Variants in FYB1 observed in about 807,000 individuals in gnomAD.
FYB1 encodes FYN binding protein 1, also known as FYN-binding protein 1.
In FYB1, 41 loss-of-function variants were observed where a neutral mutation model predicts 94.1. That is an observed-to-expected ratio of 0.44 (90% CI 0.34 to 0.57). FYB1 has a LOEUF of 0.57. FYB1 is among the 20% of genes least tolerant of loss of function. The pLI is 0.02. For missense variants in FYB1, 1,050 were observed against 976.8 expected, an observed-to-expected ratio of 1.07 and a Z score of -1.00; for synonymous variants, 367 against 353.2, an observed-to-expected ratio of 1.04 and a Z score of -0.44.
At chr5:39,248,697 C>G (rs966493697) in intron 1 of FYB1, among the ~76,000 whole-genome samples, 2 of 152,042 alleles carry the variant, frequency 1.3e-5, no homozygotes, top group Non-Finnish European at 2.9e-5. Context: ...ATTAGCTGGG[C>G]ATGATGGTGC....
chr5:39,137,575 C>G (rs1741777560), intron 7 of FYB1, 25 bp downstream of exon 7: 1 of 1,529,856 alleles, frequency 6.5e-7, no homozygotes, highest in Non-Finnish European at 8.8e-7. Context: ...GTTATTCTTT[C>G]ACTCATTAGC....
At chr5:39,239,048 C>T (rs962641148) in intron 1 of FYB1, among the ~76,000 whole-genome samples, 1 of 152,012 alleles carries the variant, frequency 6.6e-6, no homozygotes, top group Non-Finnish European at 1.5e-5. Context: ...ACAAATAGAA[C>T]TAAAAACAAA....
chr5:39,148,155 T>TTTTATATATATATATA (rs1742876290), intron 3 of FYB1, among the ~76,000 whole-genome samples: 1 of 37,658 alleles, frequency 2.7e-5, no homozygotes, highest in Non-Finnish European at 4.2e-5. Context: ...TATGTATTTT[T>TTTTATATATATATATA]TATATATATA....
At chr5:39,121,183 C>CA (rs56376626) in intron 14 of FYB1, among the ~76,000 whole-genome samples, 4,295 of 57,684 alleles carry the variant, frequency 0.074, 280 homozygotes, top group African/African-American at 0.17. Context: ...TAATGTAAAG[C>CA]AAAAAAAAAA....
intron 3 of FYB1, among the ~76,000 whole-genome samples, chr5:39,146,061 C>G (rs1004246558): frequency 6.6e-6 from 1 of 151,776 alleles, no homozygotes; most frequent in Non-Finnish European, 1.5e-5. Flanking sequence ...TCTACAGATG[C>G]CTGCCACCAT....
At chr5:39,241,280 A>G (rs940633293) in intron 1 of FYB1, among the ~76,000 whole-genome samples, 1 of 152,196 alleles carries the variant, frequency 6.6e-6, no homozygotes, top group Non-Finnish European at 1.5e-5. Context: ...CAGTTTACCT[A>G]TGTAACAAAC....
At chr5:39,182,070 C>T (rs528752327) in intron 2 of FYB1, among the ~76,000 whole-genome samples, 1 of 151,542 alleles carries the variant, frequency 6.6e-6, no homozygotes, top group African/African-American at 2.4e-5. Flanking sequence ...AAAACCTCAC[C>T]AGGTCACCCT....
chr5:39,142,208 G>A (rs1742254661), intron 3 of FYB1, among the ~76,000 whole-genome samples: 2 of 152,082 alleles, frequency 1.3e-5, no homozygotes, highest in South Asian at 2.1e-4. Flanking sequence ...ACTCTTTTTT[G>A]TGTAGTCAGC....
upstream of FYB1, among the ~76,000 whole-genome samples, chr5:39,223,288 T>C (rs1450080519): frequency 1.7e-4 from 26 of 152,116 alleles, no homozygotes; most frequent in Admixed American, 1.7e-3. Context: ...CCCCTATCAT[T>C]TAGAGGAAAA....
At position 39,273,491 on chromosome 5, in the gene FYB1, A is replaced by G. The variant is rs568038090; in HGVS notation, c.-28+912T>C. On this transcript the variant is annotated intron_variant, in intron 1 of 1. Coordinates refer to the FYB1 transcript ENST00000510188. ...GAGCTCAGTACATAAGTTCCTGAGC[A>G]GGAAGATGAAACAGGAAATGCAACA... Among the ~76,000 whole-genome samples the G allele has an allele frequency of 3.9e-4, 59 of 152,358 alleles. No homozygotes were observed. The South Asian group carries it at 8.5e-3, about 22-fold the overall frequency.
At chr5:39,273,587 A>G (rs1752722922) in intron 1 of FYB1, among the ~76,000 whole-genome samples, 2 of 152,256 alleles carry the variant, frequency 1.3e-5, no homozygotes, top group African/African-American at 4.8e-5. Context: ...GGGCACTGCA[A>G]TTAGTCCTGC....
At chr5:39,145,952 G>T (rs1367874393) in intron 3 of FYB1, among the ~76,000 whole-genome samples, 1 of 145,416 alleles carries the variant, frequency 6.9e-6, no homozygotes, top group African/African-American at 2.6e-5. Flanking sequence ...TCACTCTGTT[G>T]CCCAGGCTGG....
rs755823305 is a variant in FYB1, at chr5:39,138,800, T to C, written c.1360-109A>G. The C allele has an allele frequency of 7.9e-5, 57 of 721,572 alleles. 2 individuals carry two copies. In the South Asian group the frequency reaches 8.5e-4, roughly 11 times the overall value. 44.7% of individuals were successfully genotyped at this position (721,572 alleles called of 1,614,324 possible). A position where few individuals can be genotyped will look rare whatever the true frequency, so the allele number is the denominator to read the frequency against. On this transcript the variant is annotated intron_variant, in intron 5 of 18. Transcript: ENST00000512982. ...AGGCAACAATGTAAATTTTTATAAT[T>C]TGAACCACATATTAAATGGTCCAGA...
At chr5:39,169,370 A>G in intron 2 of FYB1, 3 of 759,750 alleles carry the variant, frequency 3.9e-6, no homozygotes, top group Non-Finnish European at 7.4e-6. Flanking sequence ...GGTCAATTGA[A>G]CTAGCTTTGT....
intron 1 of FYB1, among the ~76,000 whole-genome samples, chr5:39,238,097 T>C (rs1025713516): frequency 1.3e-5 from 2 of 152,222 alleles, no homozygotes; most frequent in Middle Eastern, 3.4e-3. Context: ...CACCACCATG[T>C]GAATGTACTT....
intron 3 of FYB1, among the ~76,000 whole-genome samples, chr5:39,153,142 G>T (rs558272413): frequency 2.6e-5 from 4 of 152,330 alleles, no homozygotes. Flanking sequence ...TAGTGGAGGA[G>T]TTGGTGGTTC....
intron 6 of FYB1, chr5:39,138,291 T>C (rs1741841209): frequency 1.1e-5 from 2 of 179,972 alleles, no homozygotes; most frequent in Non-Finnish European, 2.3e-5. Context: ...GATAAATTAT[T>C]TTTCATAGCA....
intron 1 of FYB1, among the ~76,000 whole-genome samples, chr5:39,253,354 G>T (rs988932465): frequency 7.1e-6 from 1 of 139,968 alleles, no homozygotes; most frequent in African/African-American, 3.0e-5. Flanking sequence ...AAATAAAAAT[G>T]TCTATAAACA....
At chr5:39,222,082 G>A (rs897751587), upstream of FYB1, among the ~76,000 whole-genome samples, 7 of 151,758 alleles carry the variant, frequency 4.6e-5, no homozygotes, top group East Asian at 1.9e-4. Context: ...CAAGCAACAC[G>A]CCCTGTCTTC....
Sources: allele counts gnomAD v4.1 joint callset (sites outside exome capture counted in the v4.1 genomes callset), GRCh38; gene constraint gnomAD v4.1.1; transcripts MANE v1.5; gene names NCBI Gene and HGNC (gene_info 2026-07-23, HGNC 2026-07-21).